SPICE1: variants seen among roughly 807,000 people sequenced by gnomAD.
The protein encoded by SPICE1 is spindle and centriole-associated protein 1.
A neutral mutation model predicts 102.7 loss-of-function variants in SPICE1; 75 were observed. The ratio of observed to expected loss-of-function variants is 0.73; its 90% CI spans 0.61 to 0.88. The LOEUF (loss-of-function observed/expected upper bound fraction) is 0.88. SPICE1 is among the 40% of genes least tolerant of loss of function. SPICE1 has a pLI of 0.00. For missense variants in SPICE1, 979 were observed against 1,020.1 expected (o/e 0.96, Z 0.55); for synonymous variants, 308 against 350.3 (o/e 0.88, Z 1.35).
chr3:113,457,175 T>G lies in SPICE1; in HGVS notation c.1618A>C (p.Arg540=). The G allele has an allele frequency of 6.2e-7, 1 of 1,614,210 alleles. No individual in the cohort carries two copies. The highest frequency in any genetic ancestry group is 2.2e-5 in the East Asian group (1 of 44,880). ...GAGAATTTTAAGTTGCTCTTCTGCC[T>G]GGGTGGTGTTAACAACACAGCTGGC... The part of the protein sequence containing the change: ...FEPAVLLTPP[R]QKSNLKFSPL... Residue 540 remains arginine (R), a synonymous_variant, in exon 13 of 18, where the codon AGG becomes CGG. Transcript: ENST00000295872.
intron 3 of SPICE1, among the ~76,000 whole-genome samples, chr3:113,500,533 C>A (rs1936989056): frequency 6.6e-6 from 1 of 151,442 alleles, no homozygotes; most frequent in African/African-American, 2.4e-5. Flanking sequence ...AAAAGGCTTA[C>A]ATTTTTAAAA....
chr3:113,445,268 TAAATTATTAAGAACA>T lies in SPICE1; in HGVS notation c.*24_*38del. ...AGTCAGAGCAGGGAAAGGGAAGTAA[TAAATTATTAAGAACA>T]AACTCAGTGAGACTTGACTTCACTT... is the stretch of plus-strand genomic sequence containing the variant. On this transcript the variant is annotated 3_prime_UTR_variant, in exon 18 of 18. Transcript: ENST00000295872. 1 of 1,556,852 alleles carries T rather than the reference TAAATTATTAAGAACA, an allele frequency of 6.4e-7. No homozygotes were observed. Among genetic ancestry groups the T allele is most frequent in the Non-Finnish European group, 8.8e-7 (1 of 1,136,238 alleles).
chr3:113,474,932 C>G (rs1013948260), intron 7 of SPICE1, among the ~76,000 whole-genome samples: 2 of 152,086 alleles, frequency 1.3e-5, no homozygotes, highest in Non-Finnish European at 2.9e-5. Context: ...TAACTAAAAT[C>G]AGAGCAGAAC....
intron 8 of SPICE1, 76 bp downstream of exon 8, chr3:113,469,023 T>A (rs1936130644): frequency 6.4e-7 from 1 of 1,564,648 alleles, no homozygotes; most frequent in East Asian, 2.3e-5. Context: ...CAAATAACAT[T>A]CCTTCAAAAA....
At chr3:113,473,013 A>C (rs544749179) in intron 7 of SPICE1, among the ~76,000 whole-genome samples, 16 of 152,320 alleles carry the variant, frequency 1.1e-4, no homozygotes, top group Admixed American at 7.8e-4. Context: ...ATTCAAACCA[A>C]AGGCAAAGAA....
chr3:113,471,785 A>G (rs1228855327), intron 7 of SPICE1, among the ~76,000 whole-genome samples: 1 of 152,154 alleles, frequency 6.6e-6, no homozygotes, highest in Non-Finnish European at 1.5e-5. Flanking sequence ...ACAAAAAAAA[A>G]ATTTTGTTTT....
At chr3:113,466,994 A>G (rs1445099707) in intron 10 of SPICE1, among the ~76,000 whole-genome samples, 2 of 152,030 alleles carry the variant, frequency 1.3e-5, no homozygotes, top group East Asian at 3.9e-4. Flanking sequence ...GGTTGCAGTG[A>G]GCCGAGATCA....
At chr3:113,507,228 C>G (rs2107508181) in intron 1 of SPICE1, among the ~76,000 whole-genome samples, 1 of 151,854 alleles carries the variant, frequency 6.6e-6, no homozygotes, top group South Asian at 2.1e-4. Flanking sequence ...TTTTAAATTG[C>G]CAACATTAGT....
intron 7 of SPICE1, among the ~76,000 whole-genome samples, 157 bp downstream of exon 7, chr3:113,488,788 T>C (rs1413688421): frequency 2.0e-5 from 3 of 152,214 alleles, no homozygotes; most frequent in Non-Finnish European, 4.4e-5. Context: ...CAAGAGCTTT[T>C]TATATTATCC....
chr3:113,492,462 T>C (rs1936786588), intron 6 of SPICE1, among the ~76,000 whole-genome samples: 1 of 152,170 alleles, frequency 6.6e-6, no homozygotes, highest in Non-Finnish European at 1.5e-5. Context: ...TTCTAAACAT[T>C]TTCATTAATT....
At chr3:113,476,455 G>A (rs7619838) in intron 7 of SPICE1, among the ~76,000 whole-genome samples, 41,881 of 144,042 alleles carry the variant, frequency 0.29, 7,400 homozygotes, top group African/African-American at 0.47. Flanking sequence ...ATATGGAACC[G>A]AAAAAGAGCC....
chr3:113,444,883 G>A lies in SPICE1; in HGVS notation c.*424C>T, dbSNP rs2107436150. ...GGGTGTTACATATTCCTGAAAGCCA[G>A]ACTCTAATCACACAGAGGAATTTTA... is the stretch of plus-strand genomic sequence containing the variant. On this transcript the variant is annotated 3_prime_UTR_variant, in exon 18 of 18. Transcript: ENST00000295872. 6.6e-6 allele frequency: 1 copy of A among 152,654 alleles called. No individual in the cohort carries two copies. The highest frequency in any genetic ancestry group is 1.9e-4 in the East Asian group (1 of 5,188). The allele number at this position is 152,654 out of a possible 1,614,324, so 9.5% of individuals were successfully genotyped here.
intron 3 of SPICE1, among the ~76,000 whole-genome samples, chr3:113,501,923 A>G (rs1175800026): frequency 1.3e-5 from 2 of 152,236 alleles, no homozygotes; most frequent in Non-Finnish European, 2.9e-5. Context: ...AAGAACTGAT[A>G]ATACATGTTC....
chr3:113,477,671 T>C (rs1050447921), intron 7 of SPICE1, among the ~76,000 whole-genome samples: 2 of 150,792 alleles, frequency 1.3e-5, no homozygotes, highest in Non-Finnish European at 2.9e-5. Context: ...TCATTCTCAG[T>C]AAACTATTGC....
In SPICE1 at chr3:113,493,300, A is replaced by C. The variant is rs1191615952; in HGVS notation, c.398T>G (p.Val133Gly). 1.2e-6 allele frequency: 2 copies of C among 1,613,790 alleles called. No individual in the cohort carries two copies. The highest frequency in any genetic ancestry group is 2.2e-5 in the South Asian group (2 of 91,070). Reference protein sequence around the residue: ...FPRRRTGFPNVTVAPDSSQGP... With the variant: ...FPRRRTGFPNGTVAPDSSQGP... ...CTGAGAGGAATCAGGAGCCACTGTTACATTTGGAAACCCTGCAAAAGGAAA... is the reference window on the plus strand; with the variant it reads ...CTGAGAGGAATCAGGAGCCACTGTTCCATTTGGAAACCCTGCAAAAGGAAA... Residue 133 changes from valine (V) to glycine (G), a missense_variant, in exon 6 of 18, where the codon GTA (valine) becomes GGA (glycine). Val to Gly is a moderately radical substitution (Grantham distance 109). Transcript: ENST00000295872.
intron 2 of SPICE1, among the ~76,000 whole-genome samples, chr3:113,504,304 T>G (rs1002041593): frequency 6.6e-6 from 1 of 152,132 alleles, no homozygotes. Flanking sequence ...TTAGTTTTAC[T>G]TCTAAGTGAC....
intron 16 of SPICE1, 132 bp from the exon 17 acceptor site, chr3:113,446,808 G>T: frequency 2.8e-6 from 2 of 711,968 alleles, no homozygotes; most frequent in Non-Finnish European, 4.9e-6. Context: ...GTCCAACGAG[G>T]TAAATTATTT....
intron 9 of SPICE1, 121 bp from the exon 10 acceptor site, chr3:113,468,525 ATT>A: frequency 8.2e-7 from 1 of 1,216,002 alleles, no homozygotes; most frequent in Non-Finnish European, 1.1e-6. Flanking sequence ...CGATATCACC[ATT>A]TCTCTCATAA....
intron 7 of SPICE1, among the ~76,000 whole-genome samples, chr3:113,476,240 C>T (rs1936343266): frequency 6.6e-6 from 1 of 150,404 alleles, no homozygotes; most frequent in Admixed American, 6.6e-5. Context: ...ATGTGAAGGA[C>T]CTCTTCAAGG....
Sources: gnomAD v4.1 joint callset for allele counts (sites outside exome capture counted in the v4.1 genomes callset) on GRCh38, gnomAD v4.1.1 for gene constraint, MANE v1.5 for transcripts, NCBI Gene and HGNC (gene_info 2026-07-23, HGNC 2026-07-21) for gene names.